Variants in TARS1 observed in about 807,000 individuals in gnomAD.
TARS1 encodes threonine--tRNA ligase 1, cytoplasmic.
A neutral mutation model predicts 97.7 loss-of-function variants in TARS1; 57 were observed. The observed-to-expected ratio is 0.58, with a 90% CI of 0.47 to 0.73. The LOEUF is 0.73. Among genes scored for constraint, TARS1 ranks in the 30% least tolerant of loss-of-function variants. The pLI, the probability that TARS1 is intolerant of heterozygous loss-of-function variation, is 0.00. For missense variants in TARS1, 806 were observed against 888.3 expected, an observed-to-expected ratio of 0.91 and a Z score of 1.18; for synonymous variants, 312 against 293.7, an observed-to-expected ratio of 1.06 and a Z score of -0.64.
Position 33,452,561 on chromosome 5 carries a change from A to C in TARS1, c.330-728A>C, listed in dbSNP as rs1741797652. The C allele has an allele frequency of 2.4e-5, 17 of 711,268 alleles. No individual in the cohort carries two copies. The South Asian group carries it at 2.7e-4, about 11-fold the overall frequency. 44.1% of individuals were successfully genotyped at this position (711,268 alleles called of 1,614,324 possible). A position where few individuals can be genotyped will look rare whatever the true frequency, so the allele number is the denominator to read the frequency against. ...ATATTTCATCACTTGATGATACTTT[A>C]TGTTCGATGTTGTATATTGGGTGTG... On this transcript the variant is annotated intron_variant, in intron 3 of 18. Transcript: ENST00000265112.
chr5:33,461,177 G>T lies in TARS1; in HGVS notation c.1433G>T (p.Gly478Val). 6.2e-7 allele frequency: 1 copy of T among 1,607,088 alleles called. No homozygotes were observed. The highest frequency in any genetic ancestry group is 8.5e-7 in the Non-Finnish European group (1 of 1,176,822). ...TTGAAGATTGAAGATGAAATAAAAG[G>T]TTGTTTGGATTTTCTACGTACGGTA... ...AMEQIEDEIKGCLDFLRTVYS... is the reference protein window; with the variant it reads ...AMEQIEDEIKVCLDFLRTVYS... The change falls in exon 13 of 19, where the codon GGT becomes GTT. Residue 478 changes from glycine to valine, a missense_variant. Coordinates refer to ENST00000265112, the MANE Select transcript of TARS1 (RefSeq NM_152295.5).
chr5:33,448,095 C>A (rs1224927411), intron 2 of TARS1, among the ~76,000 whole-genome samples: 1 of 152,136 alleles, frequency 6.6e-6, no homozygotes, highest in Non-Finnish European at 1.5e-5. Context: ...GAAGGGGAGA[C>A]CTTAAGTCAA....
At position 33,448,671 on chromosome 5, in the gene TARS1, G is replaced by A. The variant is rs1160345555; in HGVS notation, c.269G>A (p.Gly90Asp). 6.2e-7 allele frequency: 1 copy of A among 1,613,874 alleles called. No individual in the cohort carries two copies. Among genetic ancestry groups the A allele is most frequent in the Non-Finnish European group, 8.5e-7 (1 of 1,179,900 alleles). ...CCAATTAAAGTCACTTTGCCTGATG[G>A]TAAACAGGTTGATGCGGAATCTTGG... ...SKPIKVTLPD[G>D]KQVDAESWKT... Residue 90 changes from glycine to aspartate, a missense_variant, in exon 3 of 19, where the codon GGT becomes GAT. Coordinates refer to ENST00000265112, the MANE Select transcript of TARS1 (RefSeq NM_152295.5).
At chr5:33,463,707 T>C (rs780665407) in intron 16 of TARS1, 46 bp from the exon 17 acceptor site, 2 of 1,498,948 alleles carry the variant, frequency 1.3e-6, no homozygotes, top group South Asian at 2.3e-5. Flanking sequence ...CCCTGTTTAG[T>C]GAATATGCCC....
At chr5:33,465,786 C>T (rs1742503218) in intron 17 of TARS1, among the ~76,000 whole-genome samples, 1 of 152,158 alleles carries the variant, frequency 6.6e-6, no homozygotes, top group Admixed American at 6.5e-5. Flanking sequence ...TTACACATAA[C>T]TCGCATTTGA....
At chr5:33,446,527 G>A (rs1049721829) in intron 2 of TARS1, 2 of 465,876 alleles carry the variant, frequency 4.3e-6, no homozygotes, top group African/African-American at 4.0e-5. Flanking sequence ...AGTGGGACAT[G>A]TGATTATTTA....
chr5:33,466,124 A>T (rs868141754), intron 17 of TARS1: 1 of 152,218 alleles, frequency 6.6e-6, no homozygotes, highest in African/African-American at 2.4e-5. Context: ...TGAAAGCCCA[A>T]TGGTACTGTC....
chr5:33,450,814 A>G (rs1035834099), intron 3 of TARS1, among the ~76,000 whole-genome samples: 1 of 152,196 alleles, frequency 6.6e-6, no homozygotes, highest in Non-Finnish European at 1.5e-5. Flanking sequence ...GAACTATAAA[A>G]TTCTAAGTTG....
At chr5:33,448,465 T>C (rs1210650166) in intron 2 of TARS1, 76 bp from the exon 3 acceptor site, 2 of 1,284,184 alleles carry the variant, frequency 1.6e-6, no homozygotes, top group African/African-American at 3.0e-5. Context: ...TTGTTTTTAT[T>C]ATTTCTTTCC....
At chr5:33,453,263 C>CCTT (rs776344762) in intron 3 of TARS1, 26 bp from the exon 4 acceptor site, 141 of 1,342,398 alleles carry the variant, frequency 1.1e-4, no homozygotes, top group South Asian at 9.0e-4. Flanking sequence ...TATGTGTGGA[C>CCTT]TTTTTTTTTT....
intron 4 of TARS1, among the ~76,000 whole-genome samples, chr5:33,454,154 A>G (rs912310188): frequency 6.6e-6 from 1 of 152,224 alleles, no homozygotes; most frequent in Non-Finnish European, 1.5e-5. Context: ...GGATAACACT[A>G]TAAAAGTCAA....
At chr5:33,463,502 G>T (rs1742390932) in intron 16 of TARS1, among the ~76,000 whole-genome samples, 1 of 152,170 alleles carries the variant, frequency 6.6e-6, no homozygotes, top group Admixed American at 6.5e-5. Context: ...AATTTGCTTT[G>T]CTATCTACTT....
rs572764388 is a variant in TARS1 at position 33,443,517 on chromosome 5, G to C, written c.58-1807G>C. The stretch of plus-strand genomic sequence containing the variant: ...TGTTGTCGTTGTTGTTGTTGAAATG[G>C]AGTCTTGCTCTGTCTCCCAGGCTGG... On this transcript the variant is annotated intron_variant, in intron 1 of 18. Transcript: ENST00000265112. Among the ~76,000 whole-genome samples, 47 of 146,226 alleles carry C rather than the reference G, an allele frequency of 3.2e-4. 1 individual carries two copies. The South Asian group carries it at 7.6e-3, about 24-fold the overall frequency.
chr5:33,450,474 G>A (rs1490969712), intron 3 of TARS1, among the ~76,000 whole-genome samples: 1 of 152,180 alleles, frequency 6.6e-6, no homozygotes, highest in South Asian at 2.1e-4. Context: ...AGTGAATGGA[G>A]TGTTTCCATT....
At chr5:33,458,924 T>C (rs1742162729) in intron 10 of TARS1, among the ~76,000 whole-genome samples, 1 of 152,234 alleles carries the variant, frequency 6.6e-6, no homozygotes, top group African/African-American at 2.4e-5. Context: ...ATCATTTATT[T>C]GTATTTTCTT....
intron 8 of TARS1, among the ~76,000 whole-genome samples, chr5:33,456,807 G>A (rs576640396): frequency 6.6e-6 from 1 of 152,184 alleles, no homozygotes; most frequent in South Asian, 2.1e-4. Context: ...GTCTCACTCT[G>A]TTGCCCCAAA....
chr5:33,443,475 CTTT>C (rs199902596), intron 1 of TARS1, among the ~76,000 whole-genome samples: 5 of 130,286 alleles, frequency 3.8e-5, no homozygotes, highest in Non-Finnish European at 4.9e-5. Context: ...ATTTTTCTTT[CTTT>C]TTTTTTTTTT....
In TARS1 at chr5:33,444,005, A is replaced by G. The variant is rs954175347; in HGVS notation, c.58-1319A>G. Among the ~76,000 whole-genome samples the G allele has an allele frequency of 6.6e-5, 10 of 152,346 alleles. No homozygotes were observed. In the South Asian group the frequency reaches 2.1e-3, roughly 32 times the overall value. The stretch of plus-strand genomic sequence containing the variant: ...AGTAACGCATTTTATAGGATTTAAA[A>G]GACAATGGCCAAAATGTCCATCAAC... On this transcript the variant is annotated intron_variant, in intron 1 of 18. Coordinates refer to ENST00000265112, the MANE Select transcript of TARS1 (RefSeq NM_152295.5).
intron 5 of TARS1, 130 bp from the exon 6 acceptor site, chr5:33,455,457 C>T (rs6880616): frequency 2.0e-5 from 11 of 553,484 alleles, no homozygotes; most frequent in African/African-American, 9.5e-5. Flanking sequence ...TTCTAAGATA[C>T]GATGCAATAG....
Sources: allele counts gnomAD v4.1 joint callset (sites outside exome capture counted in the v4.1 genomes callset), GRCh38; gene constraint gnomAD v4.1.1; transcripts MANE v1.5; gene names NCBI Gene and HGNC (gene_info 2026-07-23, HGNC 2026-07-21).